The following SLX4IP variants were observed in gnomAD, a reference collection of about 807,000 sequenced individuals.
The protein encoded by SLX4IP is protein SLX4IP.
Under a neutral mutation model 32.9 loss-of-function variants are expected in SLX4IP, and 34 were observed. That is an observed-to-expected ratio of 1.03 (90% CI 0.79 to 1.38). The LOEUF is 1.38. Ranked by LOEUF, SLX4IP falls within the 40% of genes most tolerant of loss-of-function variation. The pLI, the probability that SLX4IP is intolerant of heterozygous loss-of-function variation, is 0.00. For synonymous variants in SLX4IP, 172 were observed against 171.7 expected (o/e 1.00, Z -0.01); for missense variants, 444 against 479.0 (o/e 0.93, Z 0.68).
At chr20:10,485,275 G>C (rs935026469) in intron 2 of SLX4IP, among the ~76,000 whole-genome samples, 8 of 151,896 alleles carry the variant, frequency 5.3e-5, no homozygotes, top group African/African-American at 1.7e-4. Context: ...TGGGGGTTAG[G>C]GCTACTGACT....
intron 2 of SLX4IP, among the ~76,000 whole-genome samples, chr20:10,469,006 A>G (rs1453586602): frequency 1.3e-5 from 2 of 152,168 alleles, no homozygotes; most frequent in African/African-American, 4.8e-5. Context: ...CCACACATAA[A>G]ATACACTTAT....
At chr20:10,599,724 C>G (rs1339029493) in intron 5 of SLX4IP, among the ~76,000 whole-genome samples, 1 of 152,258 alleles carries the variant, frequency 6.6e-6, no homozygotes, top group Admixed American at 6.5e-5. Context: ...TTAACAGGTC[C>G]TTCCACTTTG....
intron 4 of SLX4IP, among the ~76,000 whole-genome samples, chr20:10,592,255 T>C (rs2122538719): frequency 6.6e-6 from 1 of 152,292 alleles, no homozygotes; most frequent in Non-Finnish European, 1.5e-5. Flanking sequence ...GTTTCCCAGT[T>C]GTGGTCTTAG....
intron 6 of SLX4IP, chr20:10,613,529 T>TTCCTTTTGCCAA (rs2066992138): frequency 6.2e-7 from 1 of 1,610,780 alleles, no homozygotes; most frequent in Non-Finnish European, 8.5e-7. Flanking sequence ...AATTGTCCAT[T>TTCCTTTTGCCAA]TCCTTTTGCC....
At chr20:10,518,631 C>T (rs1489055241) in intron 2 of SLX4IP, among the ~76,000 whole-genome samples, 10 of 151,354 alleles carry the variant, frequency 6.6e-5, no homozygotes, top group African/African-American at 1.2e-4. Context: ...GCTGCTGCAG[C>T]GCTGCGATCT....
Position 10,623,372 on chromosome 20 carries a change from G to T in SLX4IP, c.1220G>T (p.Gly407Val). The T allele has an allele frequency of 6.2e-7, 1 of 1,609,774 alleles. No individual in the cohort carries two copies. Among genetic ancestry groups the T allele is most frequent in the Non-Finnish European group, 8.5e-7 (1 of 1,178,176 alleles). ...PTKKRKKYER[G>V]H is the part of the protein sequence containing the mutation. ...AAGAAAAGAAAGAAATACGAAAGAGGCCATTAACACCGAAGAGGTTTGTAC... is the reference window on the plus strand; with the variant it reads ...AAGAAAAGAAAGAAATACGAAAGAGTCCATTAACACCGAAGAGGTTTGTAC... Residue 407 changes from glycine (G) to valine (V), a missense_variant, in exon 8 of 8, where the codon GGC (glycine) becomes GTC (valine). By Grantham distance (109) the Gly-to-Val change is moderately radical (BLOSUM62 -3). Transcript: ENST00000334534.
intron 2 of SLX4IP, among the ~76,000 whole-genome samples, chr20:10,552,046 G>T (rs573884993): frequency 6.6e-6 from 1 of 152,216 alleles, no homozygotes; most frequent in Non-Finnish European, 1.5e-5. Flanking sequence ...GACAAGATGC[G>T]TGACTGATTC....
intron 4 of SLX4IP, among the ~76,000 whole-genome samples, chr20:10,562,156 T>C (rs1006438435): frequency 3.3e-5 from 5 of 151,682 alleles, no homozygotes; most frequent in Admixed American, 2.0e-4. Flanking sequence ...TGCGTTAATC[T>C]ACTCGATTAG....
chr20:10,478,159 A>G (rs1246879348), intron 2 of SLX4IP, among the ~76,000 whole-genome samples: 2 of 152,156 alleles, frequency 1.3e-5, no homozygotes, highest in Non-Finnish European at 2.9e-5. Flanking sequence ...TCAGCCTCCC[A>G]AAGTGCTCGG....
At chr20:10,540,223 TG>T (rs1002674165) in intron 2 of SLX4IP, among the ~76,000 whole-genome samples, 1 of 151,458 alleles carries the variant, frequency 6.6e-6, no homozygotes, top group African/African-American at 2.4e-5. Context: ...TTCTTCTTTT[TG>T]TTTTTTTAAT....
In SLX4IP at chr20:10,474,906, A is replaced by C. The variant is rs1326641396; in HGVS notation, c.27+16675A>C. Among the ~76,000 whole-genome samples, 4 of 152,134 alleles carry C rather than the reference A, an allele frequency of 2.6e-5. No homozygotes were observed. In the East Asian group the frequency reaches 7.7e-4, roughly 29 times the overall value. ...TGGAAGCATTTGCTTTTCCTCAGGGAGCCGTGGGTTCAGGCCATGGGTGGT... is the reference window on the plus strand; with the variant it reads ...TGGAAGCATTTGCTTTTCCTCAGGGCGCCGTGGGTTCAGGCCATGGGTGGT... On this transcript the variant is annotated intron_variant, in intron 2 of 7. Coordinates refer to ENST00000334534, the MANE Select transcript of SLX4IP (RefSeq NM_001009608.3).
At chr20:10,618,684 A>G (rs1340238758) in intron 6 of SLX4IP, among the ~76,000 whole-genome samples, 2 of 152,196 alleles carry the variant, frequency 1.3e-5, no homozygotes, top group Non-Finnish European at 2.9e-5. Context: ...CATTCTTTAC[A>G]AGACATGATG....
intron 1 of SLX4IP, among the ~76,000 whole-genome samples, chr20:10,445,299 T>A (rs1417275604): frequency 6.7e-6 from 1 of 148,182 alleles, no homozygotes; most frequent in Non-Finnish European, 1.5e-5. Flanking sequence ...GATTGCTTTT[T>A]CTTTTTTCTT....
At chr20:10,619,804 C>T (rs559797250) in intron 6 of SLX4IP, among the ~76,000 whole-genome samples, 50 of 152,248 alleles carry the variant, frequency 3.3e-4, no homozygotes, top group African/African-American at 1.1e-3. Flanking sequence ...CTCTTTCTCT[C>T]AGTTGAATTT....
intron 7 of SLX4IP, among the ~76,000 whole-genome samples, chr20:10,621,857 GT>G (rs1568779018): frequency 1.3e-5 from 2 of 152,186 alleles, no homozygotes; most frequent in Non-Finnish European, 2.9e-5. Context: ...AGCTTTCAAT[GT>G]TTTGGTGGTT....
chr20:10,449,466 T>C (rs997460820), intron 1 of SLX4IP, among the ~76,000 whole-genome samples: 2 of 152,148 alleles, frequency 1.3e-5, no homozygotes. Context: ...ACAGCCCAAT[T>C]AGTCACTGAC....
intron 2 of SLX4IP, among the ~76,000 whole-genome samples, chr20:10,533,881 A>G (rs150415899): frequency 1.5e-4 from 23 of 152,152 alleles, no homozygotes; most frequent in African/African-American, 5.5e-4. Flanking sequence ...CAGCCTCCCA[A>G]AGTGCTAGGA....
intron 4 of SLX4IP, among the ~76,000 whole-genome samples, chr20:10,585,600 T>G (rs2066637168): frequency 6.6e-6 from 1 of 151,814 alleles, no homozygotes; most frequent in Admixed American, 6.6e-5. Context: ...TTTCTTTTTT[T>G]GAGACGGAGT....
At position 10,566,282 on chromosome 20, in the gene SLX4IP, CATT is replaced by C. The variant is rs1164682311; in HGVS notation, c.238+5463_238+5465del. On this transcript the variant is annotated intron_variant, in intron 4 of 7. Transcript: ENST00000334534. ...ATGTTTCACCAGGTAGAACTGATTA[CATT>C]TTTTTTTTTTTTTTTTTTTTTTTTT... Among the ~76,000 whole-genome samples, 6 of 111,138 alleles carry C rather than the reference CATT, an allele frequency of 5.4e-5. No homozygotes were observed. In the East Asian group the frequency reaches 1.4e-3, roughly 26 times the overall value. The allele number at this position is 111,138 out of a possible 152,430, so 72.9% of individuals were successfully genotyped here. A position where few individuals can be genotyped will look rare whatever the true frequency, so the allele number is the denominator to read the frequency against.
Sources: gnomAD v4.1 joint callset for allele counts (sites outside exome capture counted in the v4.1 genomes callset) on GRCh38, gnomAD v4.1.1 for gene constraint, MANE v1.5 for transcripts, NCBI Gene and HGNC (gene_info 2026-07-23, HGNC 2026-07-21) for gene names.